ELOVL7: variants seen among roughly 807,000 people sequenced by gnomAD.
The protein encoded by ELOVL7 is very long chain fatty acid elongase 7.
ELOVL7 carries 27 observed loss-of-function variants against 35.7 expected under a neutral mutation model. The ratio of observed to expected loss-of-function variants is 0.76; its 90% confidence interval spans 0.56 to 1.04. The LOEUF (loss-of-function observed/expected upper bound fraction) is 1.04, where lower values mean the gene tolerates loss of function less well. ELOVL7 is among the 50% of genes least tolerant of loss of function. The pLI, the probability that ELOVL7 is intolerant of heterozygous loss-of-function variation, is 0.00. For missense variants in ELOVL7, 327 were observed against 340.8 expected (o/e 0.96, Z 0.32); for synonymous variants, 113 against 114.6 (o/e 0.99, Z 0.09).
chr5:60,802,868 T>G (rs376935179), intron 1 of ELOVL7, among the ~76,000 whole-genome samples: 1 of 152,184 alleles, frequency 6.6e-6, no homozygotes, highest in Non-Finnish European at 1.5e-5. Context: ...TCATAATGGC[T>G]TAACCAGTAA....
chr5:60,841,164 T>C (rs1359562000), intron 1 of ELOVL7, among the ~76,000 whole-genome samples: 1 of 151,824 alleles, frequency 6.6e-6, no homozygotes, highest in Non-Finnish European at 1.5e-5. Context: ...TAGCTGGGAC[T>C]ACAGGCATGT....
At chr5:60,804,422 T>C (rs1287445872) in intron 1 of ELOVL7, among the ~76,000 whole-genome samples, 1 of 152,144 alleles carries the variant, frequency 6.6e-6, no homozygotes, top group African/African-American at 2.4e-5. Context: ...AGCTCAGTGC[T>C]AGGCAGTGCG....
intron 7 of ELOVL7, among the ~76,000 whole-genome samples, chr5:60,759,492 T>C (rs1314956206): frequency 6.6e-6 from 1 of 152,182 alleles, no homozygotes; most frequent in Non-Finnish European, 1.5e-5. Context: ...CAAATTCATT[T>C]GTGTTTCATA....
At chr5:60,790,905 T>C (rs1162974588) in intron 2 of ELOVL7, among the ~76,000 whole-genome samples, 1 of 152,196 alleles carries the variant, frequency 6.6e-6, no homozygotes, top group Non-Finnish European at 1.5e-5. Flanking sequence ...GAATCTGATT[T>C]TTTAAAATGA....
chr5:60,782,047 C>T (rs1743286991), intron 3 of ELOVL7, among the ~76,000 whole-genome samples: 1 of 152,154 alleles, frequency 6.6e-6, no homozygotes, highest in Non-Finnish European at 1.5e-5. Context: ...GAATCAGAAT[C>T]CTAGGACACG....
chr5:60,833,130 G>A (rs2112391113), intron 1 of ELOVL7, among the ~76,000 whole-genome samples: 1 of 152,262 alleles, frequency 6.6e-6, no homozygotes, highest in South Asian at 2.1e-4. Flanking sequence ...TCAGTGTCAA[G>A]TCATATTCAG....
At chr5:60,839,265 C>T (rs1187343264) in intron 1 of ELOVL7, among the ~76,000 whole-genome samples, 3 of 150,678 alleles carry the variant, frequency 2.0e-5, no homozygotes, top group South Asian at 2.1e-4. Context: ...GGAGAATCAC[C>T]GAACCTGGGA....
In ELOVL7 at chr5:60,766,623, C is replaced by T. The variant is rs752378124; in HGVS notation, c.344G>A (p.Arg115His). The stretch of plus-strand genomic sequence containing the variant: ...GGAGAAGTAATAAAGCCAGCAGGTA[C>T]GTGCCATCTGCAGAAGCACAAATAA... ...SRSPTALRMA[R>H]TCWLYYFSKF... The change falls in exon 6 of 9, where the codon CGT becomes CAT. Residue 115 changes from arginine (R) to histidine (H), a missense_variant. By Grantham distance (29) the Arg-to-His change is conservative (BLOSUM62 0). Transcript: ENST00000508821. 2.0e-5 allele frequency: 32 copies of T among 1,612,406 alleles called. No individual in the cohort carries two copies. Among genetic ancestry groups the T allele is most frequent in the Middle Eastern group, 3.3e-4 (2 of 6,014 alleles).
chr5:60,823,142 T>C (rs1052234983), intron 1 of ELOVL7, among the ~76,000 whole-genome samples: 1 of 147,908 alleles, frequency 6.8e-6, no homozygotes, highest in Non-Finnish European at 1.5e-5. Context: ...GATGAAGTAA[T>C]AGAGAGAAAC....
At chr5:60,837,315 T>TGGGGGGGGGGGG (rs1227317155) in intron 1 of ELOVL7, among the ~76,000 whole-genome samples, 4 of 24,532 alleles carry the variant, frequency 1.6e-4, no homozygotes, top group Non-Finnish European at 2.1e-4. Context: ...GGCGGGGGGG[T>TGGGGGGGGGGGG]GGGGGGGGAG....
intron 7 of ELOVL7, among the ~76,000 whole-genome samples, chr5:60,762,426 C>T (rs7713673): frequency 0.049 from 7,508 of 151,798 alleles, 337 homozygotes; most frequent in East Asian, 0.2. Flanking sequence ...TAGAAAAATG[C>T]TCAATTGTAT....
At chr5:60,823,912 T>C (rs770161228) in intron 1 of ELOVL7, among the ~76,000 whole-genome samples, 9 of 152,202 alleles carry the variant, frequency 5.9e-5, no homozygotes, top group Non-Finnish European at 1.3e-4. Flanking sequence ...ACTTAAGTAA[T>C]GCTGGTCAGG....
intron 7 of ELOVL7, among the ~76,000 whole-genome samples, chr5:60,759,176 C>T (rs1317787027): frequency 1.3e-5 from 2 of 152,112 alleles, no homozygotes; most frequent in African/African-American, 4.8e-5. Flanking sequence ...CTCCCAAAGC[C>T]TCATTTATGC....
chr5:60,794,525 C>A (rs1318346113), intron 2 of ELOVL7, among the ~76,000 whole-genome samples: 1 of 152,174 alleles, frequency 6.6e-6, no homozygotes, highest in African/African-American at 2.4e-5. Context: ...GTGGGAAGCA[C>A]CAGACAAGAG....
Position 60,754,727 on chromosome 5 carries a change from A to G in ELOVL7, c.743T>C (p.Met248Thr), listed in dbSNP as rs751300316. The G allele has an allele frequency of 6.2e-7, 1 of 1,614,228 alleles. No homozygotes were observed. The highest frequency in any genetic ancestry group is 1.1e-5 in the South Asian group (1 of 91,088). ...FACIIMSYSF[M>T]FLLLFLHFWY... ...AAAATGGAGAAAGAGCAGCAGAAACATGAAACTGTAACTCATAATGATGCA... is the reference window on the plus strand; with the variant it reads ...AAAATGGAGAAAGAGCAGCAGAAACGTGAAACTGTAACTCATAATGATGCA... Residue 248 changes from methionine (M) to threonine (T), a missense_variant, in exon 9 of 9, where the codon ATG becomes ACG. Transcript: ENST00000508821.
intron 1 of ELOVL7, among the ~76,000 whole-genome samples, chr5:60,831,713 TA>T (rs1746490322): frequency 6.6e-6 from 1 of 152,246 alleles, no homozygotes; most frequent in Admixed American, 6.5e-5. Context: ...AGATCCTCTT[TA>T]TTAGGGCCAA....
At chr5:60,785,840 C>T (rs1441474078) in intron 3 of ELOVL7, 1 of 152,176 alleles carries the variant, frequency 6.6e-6, no homozygotes, top group Non-Finnish European at 1.5e-5. Flanking sequence ...CCTTGGCATT[C>T]CTCAAAGGAA....
chr5:60,809,262 T>C (rs2112313820), intron 1 of ELOVL7, among the ~76,000 whole-genome samples: 1 of 152,306 alleles, frequency 6.6e-6, no homozygotes, highest in African/African-American at 2.4e-5. Context: ...TGAGTGAATA[T>C]GGATGAAGAA....
At chr5:60,773,883 A>T (rs1742747369) in intron 3 of ELOVL7, among the ~76,000 whole-genome samples, 4 of 152,278 alleles carry the variant, frequency 2.6e-5, no homozygotes. Flanking sequence ...CTTCATGTTC[A>T]TCATGAATTG....
Sources: gnomAD v4.1 joint callset for allele counts (sites outside exome capture counted in the v4.1 genomes callset) on GRCh38, gnomAD v4.1.1 for gene constraint, MANE v1.5 for transcripts, NCBI Gene and HGNC (gene_info 2026-07-23, HGNC 2026-07-21) for gene names.